Variants in PDE4A observed in about 807,000 individuals in gnomAD.
The protein encoded by PDE4A is 3',5'-cyclic-AMP phosphodiesterase 4A.
A neutral mutation model predicts 73.9 loss-of-function variants in PDE4A; 21 were observed. The ratio of observed to expected loss-of-function variants is 0.28; its 90% CI spans 0.20 to 0.41. The LOEUF (loss-of-function observed/expected upper bound fraction) is 0.41, where lower values mean the gene tolerates loss of function less well. PDE4A is among the 10% of genes least tolerant of loss of function. The pLI, the probability that PDE4A is intolerant of heterozygous loss-of-function variation, is 1.00. For synonymous variants in PDE4A, 463 were observed against 505.4 expected (o/e 0.92, Z 1.13); for missense variants, 958 against 1,211.4 (o/e 0.79, Z 3.10).
At chr19:10,454,438 G>T (rs532611364) in intron 6 of PDE4A, among the ~76,000 whole-genome samples, 17 of 152,346 alleles carry the variant, frequency 1.1e-4, no homozygotes, top group Non-Finnish European at 2.2e-4. Context: ...CTCAGCAGCT[G>T]GTTGGAGGGG....
At chr19:10,439,982 CTTTTTT>C (rs1162121051) in intron 1 of PDE4A, among the ~76,000 whole-genome samples, 2 of 114,042 alleles carry the variant, frequency 1.8e-5, no homozygotes, top group Non-Finnish European at 3.4e-5. Flanking sequence ...ATGGTATCTC[CTTTTTT>C]TTTTTTTTTT....
Position 10,467,970 on chromosome 19 carries a change from A to G in PDE4A, c.*349A>G, listed in dbSNP as rs200895332. 5 of 165,944 alleles carry G rather than the reference A, an allele frequency of 3.0e-5. No individual in the cohort carries two copies. Among genetic ancestry groups the G allele is most frequent in the Non-Finnish European group, 5.1e-5 (4 of 78,066 alleles). The allele number at this position is 165,944 out of a possible 1,614,324, so 10.3% of individuals were successfully genotyped here. On this transcript the variant is annotated 3_prime_UTR_variant, in exon 15 of 15. Coordinates refer to ENST00000380702, the MANE Select transcript of PDE4A (RefSeq NM_001111307.2). ...CTCCTGTTCCTGGTTCCCGCTTTCC[A>G]CTTCCAAATCCCTCCCCTCACCTTC...
intron 1 of PDE4A, among the ~76,000 whole-genome samples, chr19:10,429,980 A>G (rs889482192): frequency 6.6e-6 from 1 of 151,444 alleles, no homozygotes; most frequent in South Asian, 2.1e-4. Context: ...TCTGTGGAGA[A>G]CTCTAGGATT....
At chr19:10,441,071 T>C (rs2042931630) in intron 1 of PDE4A, among the ~76,000 whole-genome samples, 1 of 151,628 alleles carries the variant, frequency 6.6e-6, no homozygotes, top group African/African-American at 2.4e-5. Flanking sequence ...CCCTCTGTCG[T>C]CCAGGCTGGA....
chr19:10,417,802 G>C, upstream of PDE4A: 1 of 1,556,944 alleles, frequency 6.4e-7, no homozygotes, highest in Non-Finnish European at 8.6e-7. Flanking sequence ...CTGCCGCCAC[G>C]GCCCACCACC....
intron 1 of PDE4A, among the ~76,000 whole-genome samples, chr19:10,426,350 T>C (rs2042717811): frequency 1.3e-5 from 2 of 152,134 alleles, no homozygotes; most frequent in South Asian, 4.1e-4. Context: ...TGGCCCAGGA[T>C]GGCATTGAAT....
intron 1 of PDE4A, among the ~76,000 whole-genome samples, chr19:10,439,609 A>G (rs562118699): frequency 5.5e-4 from 83 of 152,206 alleles, no homozygotes; most frequent in African/African-American, 2.0e-3. Context: ...CAGGTGAGAG[A>G]GGAGGTGTTG....
rs775940833 is a variant in PDE4A at position 10,457,901 on chromosome 19, C to T, written c.900C>T (p.Ile300=). ...TFLDKQNEVE[I]PSPTMKEREK... ...CAGACAAACAGAATGAAGTGGAGATCCCATCACCCACGATGAAGGAACGAG... is the reference window on the plus strand; with the variant it reads ...CAGACAAACAGAATGAAGTGGAGATTCCATCACCCACGATGAAGGAACGAG... The change falls in exon 8 of 15, where the codon ATC becomes ATT. Residue 300 remains isoleucine (I), a synonymous_variant. Transcript: ENST00000380702. The T allele has an allele frequency of 3.1e-6, 5 of 1,612,338 alleles. No homozygotes were observed. In the Admixed American group the frequency reaches 8.3e-5, roughly 27 times the overall value.
intron 2 of PDE4A, among the ~76,000 whole-genome samples, chr19:10,448,342 A>T (rs895401368): frequency 6.6e-6 from 1 of 151,978 alleles, no homozygotes; most frequent in Non-Finnish European, 1.5e-5. Flanking sequence ...AAGAAAAAAT[A>T]AATAAATAAA....
chr19:10,423,023 C>A, intron 1 of PDE4A: 1 of 772,774 alleles, frequency 1.3e-6, no homozygotes, highest in Non-Finnish European at 1.6e-6. Context: ...GTATCCATCT[C>A]GCAATGGCTC....
intron 1 of PDE4A, among the ~76,000 whole-genome samples, chr19:10,434,889 C>CTTT (rs377462932): frequency 1.3e-3 from 134 of 107,156 alleles, no homozygotes; most frequent in African/African-American, 1.8e-3. Context: ...CTGTGCCCAG[C>CTTT]TTTTTTTTTT....
chr19:10,448,909 A>C lies in PDE4A; in HGVS notation c.513-8A>C. The C allele has an allele frequency of 6.2e-7, 1 of 1,613,784 alleles. No individual in the cohort carries two copies. Among genetic ancestry groups the C allele is most frequent in the African/African-American group, 1.3e-5 (1 of 74,982 alleles). On this transcript the variant is annotated splice_polypyrimidine_tract_variant and splice_region_variant and intron_variant, in intron 2 of 14. Transcript: ENST00000380702. ...GGACCCCTGACCTGCCTCTGTCCTC[A>C]ATCACAGGCACGCTGAAGACCTCAT...
intron 1 of PDE4A, among the ~76,000 whole-genome samples, chr19:10,442,130 G>A (rs1181239949): frequency 6.6e-6 from 1 of 152,146 alleles, no homozygotes; most frequent in East Asian, 1.9e-4. Context: ...GTGGGTGCAA[G>A]TGGAGAGGGA....
At chr19:10,442,822 A>G (rs907905966) in intron 1 of PDE4A, among the ~76,000 whole-genome samples, 7 of 148,712 alleles carry the variant, frequency 4.7e-5, no homozygotes, top group African/African-American at 1.7e-4. Flanking sequence ...TTACATATAT[A>G]ATATCAGTAA....
At chr19:10,441,881 G>T (rs559741991) in intron 1 of PDE4A, among the ~76,000 whole-genome samples, 1 of 151,114 alleles carries the variant, frequency 6.6e-6, no homozygotes, top group Admixed American at 6.6e-5. Context: ...GTAGAGACGG[G>T]GTTTCACCAT....
chr19:10,463,837 C>T lies in PDE4A; in HGVS notation c.1788C>T (p.Thr596=), dbSNP rs1299410991. 1 of 1,614,118 alleles carries T rather than the reference C, an allele frequency of 6.2e-7. No individual in the cohort carries two copies. Among genetic ancestry groups the T allele is most frequent in the South Asian group, 1.1e-5 (1 of 91,086 alleles). The change falls in exon 14 of 15, where the codon ACC becomes ACT. Residue 596 remains threonine (T), a synonymous_variant. Coordinates refer to ENST00000380702, the MANE Select transcript of PDE4A (RefSeq NM_001111307.2). ...ACTGTGCCGACCTCAGCAACCCCACCAAGCCGCTGGAGCTGTACCGCCAGT... is the reference window on the plus strand; with the variant it reads ...ACTGTGCCGACCTCAGCAACCCCACTAAGCCGCTGGAGCTGTACCGCCAGT... ...MVHCADLSNP[T]KPLELYRQWT...
At chr19:10,421,214 C>A in intron 1 of PDE4A, 130 bp downstream of exon 1, 1 of 1,333,248 alleles carries the variant, frequency 7.5e-7, no homozygotes, top group East Asian at 3.1e-5. Flanking sequence ...GGAGGGAATT[C>A]GGCTGCGGGG....
Position 10,452,594 on chromosome 19 carries a change from A to G in PDE4A, c.783+1653A>G, listed in dbSNP as rs573125992. On this transcript the variant is annotated intron_variant, in intron 6 of 14. Coordinates refer to ENST00000380702, the MANE Select transcript of PDE4A (RefSeq NM_001111307.2). The stretch of plus-strand genomic sequence containing the variant: ...TGGACCTATAAGTGTGTTGGACATC[A>G]GAGTTGTGACTGTCTCCGGGTGTGT... Among the ~76,000 whole-genome samples, 10 of 151,548 alleles carry G rather than the reference A, an allele frequency of 6.6e-5. No individual in the cohort carries two copies. The East Asian group carries it at 2.0e-3, about 30-fold the overall frequency.
chr19:10,443,633 A>C (rs1031559007), intron 1 of PDE4A, among the ~76,000 whole-genome samples: 3 of 151,554 alleles, frequency 2.0e-5, no homozygotes, highest in African/African-American at 7.3e-5. Flanking sequence ...GGATAGCTTG[A>C]GCCCAGGAAG....
Sources: allele counts gnomAD v4.1 joint callset (sites outside exome capture counted in the v4.1 genomes callset), GRCh38; gene constraint gnomAD v4.1.1; transcripts MANE v1.5; gene names NCBI Gene and HGNC (gene_info 2026-07-23, HGNC 2026-07-21).